Variants in PARD3B observed in about 807,000 individuals in gnomAD.
PARD3B encodes the protein partitioning defective 3 homolog B.
PARD3B carries 103 observed loss-of-function variants against 130.2 expected under a neutral mutation model. The observed-to-expected ratio is 0.79, with a 90% CI of 0.67 to 0.93. The LOEUF (loss-of-function observed/expected upper bound fraction) is 0.93, where lower values mean the gene tolerates loss of function less well. PARD3B is among the 40% of genes least tolerant of loss of function. The pLI is 0.00. For missense variants in PARD3B, 1,609 were observed against 1,499.2 expected, an observed-to-expected ratio of 1.07 and a Z score of -1.21; for synonymous variants, 583 against 553.2, an observed-to-expected ratio of 1.05 and a Z score of -0.76.
At chr2:204,549,285 C>G (rs1013585798) in intron 1 of PARD3B, among the ~76,000 whole-genome samples, 4 of 152,108 alleles carry the variant, frequency 2.6e-5, no homozygotes, top group Non-Finnish European at 5.9e-5. Flanking sequence ...TGCTTATCTC[C>G]GAATCCTGAC....
At chr2:205,130,014 G>A (rs919468898) in intron 10 of PARD3B, among the ~76,000 whole-genome samples, 7 of 152,110 alleles carry the variant, frequency 4.6e-5, no homozygotes, top group Non-Finnish European at 7.4e-5. Flanking sequence ...GGGGCAGACC[G>A]GGTTGAAAAT....
intron 2 of PARD3B, among the ~76,000 whole-genome samples, chr2:204,845,965 C>A (rs1027463595): frequency 3.3e-5 from 5 of 151,622 alleles, no homozygotes; most frequent in African/African-American, 1.2e-4. Flanking sequence ...ATACAAGAGC[C>A]AGATTGAGAA....
chr2:205,500,049 T>A lies in PARD3B; in HGVS notation c.3180+18T>A. 6.2e-7 allele frequency: 1 copy of A among 1,611,586 alleles called. No homozygotes were observed. The highest frequency in any genetic ancestry group is 8.5e-7 in the Non-Finnish European group (1 of 1,178,452). ...TACTCTGGGTAAGCGCATGCATGAT[T>A]TCAATCGTTGAATTCATCTTTTCTA... On this transcript the variant is annotated intron_variant, in intron 21 of 22. Transcript: ENST00000406610.
At chr2:204,999,734 A>G (rs968556145) in intron 3 of PARD3B, among the ~76,000 whole-genome samples, 1 of 152,204 alleles carries the variant, frequency 6.6e-6, no homozygotes, top group African/African-American at 2.4e-5. Context: ...ATTGTAGGTG[A>G]TAAAGATAAA....
chr2:204,647,235 G>C (rs1363252569), intron 1 of PARD3B, among the ~76,000 whole-genome samples: 1 of 151,768 alleles, frequency 6.6e-6, no homozygotes, highest in African/African-American at 2.4e-5. Context: ...ATGTTTATTG[G>C]TCGTTTATTC....
chr2:204,943,107 A>G lies in PARD3B; in HGVS notation c.223-22045A>G, dbSNP rs1307831054. 6.6e-6 allele frequency among the ~76,000 whole-genome samples: 1 copy of G among 151,044 alleles called. No homozygotes were observed. Among genetic ancestry groups the G allele is most frequent in the Non-Finnish European group, 1.5e-5 (1 of 68,014 alleles). On this transcript the variant is annotated intron_variant, in intron 2 of 22. Transcript: ENST00000406610. This position sits in a 1 kb window ranked among gnomAD's most constrained non-coding sequence, Gnocchi z 4.2. The stretch of plus-strand genomic sequence containing the variant: ...TTGTGTAAATACACCTCTTTTTAAA[A>G]TTACCCCTGACTTAAGAAAGAAGTT...
At chr2:204,771,067 T>A (rs936434880) in intron 2 of PARD3B, among the ~76,000 whole-genome samples, 3 of 152,126 alleles carry the variant, frequency 2.0e-5, no homozygotes, top group African/African-American at 7.2e-5. Flanking sequence ...TAGATAAGAA[T>A]AGCCTAGACC....
Position 205,584,907 on chromosome 2 carries a change from G to A in PARD3B, c.3261-30549G>A, listed in dbSNP as rs1468154614. 1.3e-5 allele frequency among the ~76,000 whole-genome samples: 2 copies of A among 152,102 alleles called. No homozygotes were observed. Among genetic ancestry groups the A allele is most frequent in the African/African-American group, 4.8e-5 (2 of 41,418 alleles). ...TTGTACATAATACCAGGCACACCTG[G>A]ATTTCTGGATAATTGCACCCACAAG... is the stretch of plus-strand genomic sequence containing the variant. On this transcript the variant is annotated intron_variant, in intron 22 of 22. Coordinates refer to ENST00000406610, the MANE Select transcript of PARD3B (RefSeq NM_001302769.2). The surrounding 1 kb of genome is among the most constrained non-coding windows in gnomAD (Gnocchi z 5.5).
At chr2:205,383,125 T>TAGATAGATAGATAGATAGAG (rs1574874219) in intron 18 of PARD3B, among the ~76,000 whole-genome samples, 3 of 149,282 alleles carry the variant, frequency 2.0e-5, no homozygotes, top group Non-Finnish European at 4.5e-5. Flanking sequence ...GATAGATAGA[T>TAGATAGATAGATAGATAGAG]AGATAGATAG....
At chr2:204,983,258 A>G (rs1233663969) in intron 3 of PARD3B, among the ~76,000 whole-genome samples, 1 of 152,170 alleles carries the variant, frequency 6.6e-6, no homozygotes, top group Non-Finnish European at 1.5e-5. Flanking sequence ...TCTCAAAAAA[A>G]TTGGTGTTAT....
At chr2:205,383,946 T>A (rs1226773649) in intron 18 of PARD3B, among the ~76,000 whole-genome samples, 1 of 152,136 alleles carries the variant, frequency 6.6e-6, no homozygotes, top group African/African-American at 2.4e-5. Flanking sequence ...GCATCTAATG[T>A]TTATATTTAT....
intron 16 of PARD3B, among the ~76,000 whole-genome samples, chr2:205,295,292 A>C (rs1177385275): frequency 6.6e-6 from 1 of 152,206 alleles, no homozygotes; most frequent in African/African-American, 2.4e-5. Flanking sequence ...GACTGCTCAT[A>C]ATAAGGCAAG....
At chr2:204,912,570 C>G (rs1367375634) in intron 2 of PARD3B, among the ~76,000 whole-genome samples, 2 of 152,054 alleles carry the variant, frequency 1.3e-5, no homozygotes, top group African/African-American at 4.8e-5. Flanking sequence ...AAATGCATTT[C>G]AAGCAGATTT....
chr2:205,166,022 C>A (rs989209483), intron 11 of PARD3B, among the ~76,000 whole-genome samples: 1 of 151,964 alleles, frequency 6.6e-6, no homozygotes, highest in Non-Finnish European at 1.5e-5. Flanking sequence ...CTCATAGTTA[C>A]AATTTGTAGA....
Position 204,789,063 on chromosome 2 carries a change from A to G in PARD3B, c.222+102781A>G, listed in dbSNP as rs559264412. 1.1e-4 allele frequency among the ~76,000 whole-genome samples: 16 copies of G among 152,078 alleles called. No individual in the cohort carries two copies. In the South Asian group the frequency reaches 3.1e-3, roughly 30 times the overall value. ...GGAATATAATTTTATTACTATTGCT[A>G]TTATTATTTTATAGTCAGGGCCTCT... On this transcript the variant is annotated intron_variant, in intron 2 of 22. Coordinates refer to ENST00000406610, the MANE Select transcript of PARD3B (RefSeq NM_001302769.2).
intron 2 of PARD3B, among the ~76,000 whole-genome samples, chr2:204,786,824 G>A (rs956232024): frequency 6.6e-6 from 1 of 151,198 alleles, no homozygotes; most frequent in African/African-American, 2.4e-5. Context: ...GATGCCCTGG[G>A]GATCAAATAC....
In PARD3B at chr2:204,966,383, T is replaced by C. The variant is rs146531970; in HGVS notation, c.394+1060T>C. Among the ~76,000 whole-genome samples, 182 of 152,304 alleles carry C rather than the reference T, an allele frequency of 1.2e-3. 7 individuals are homozygous for C. The East Asian group carries it at 0.031, about 26-fold the overall frequency. On this transcript the variant is annotated intron_variant, in intron 3 of 22. Transcript: ENST00000406610. ...GCTAGTGAAGCAGTCTGCTGGAACG[T>C]GGCTGCTGGAGGGCTTTGTGGCAGC... is the stretch of plus-strand genomic sequence containing the variant.
At chr2:204,603,876 C>G (rs989603908) in intron 1 of PARD3B, among the ~76,000 whole-genome samples, 1 of 152,132 alleles carries the variant, frequency 6.6e-6, no homozygotes, top group Non-Finnish European at 1.5e-5. Flanking sequence ...TACACCTTTC[C>G]AGGATAATCC....
At chr2:205,045,586 T>C (rs563936665) in intron 3 of PARD3B, among the ~76,000 whole-genome samples, 61 of 152,208 alleles carry the variant, frequency 4.0e-4, no homozygotes, top group African/African-American at 1.4e-3. Flanking sequence ...TTAAATATTT[T>C]AGTGTGTTAT....
Sources: allele counts gnomAD v4.1 joint callset (sites outside exome capture counted in the v4.1 genomes callset), GRCh38; gene constraint gnomAD v4.1.1; non-coding constraint Gnocchi (gnomAD v3.1); transcripts MANE v1.5; gene names NCBI Gene and HGNC (gene_info 2026-07-23, HGNC 2026-07-21).